The following GALNT13 variants were observed in gnomAD, a reference collection of about 807,000 sequenced individuals.
GALNT13 encodes the protein UDP-GalNAc:polypeptide N-acetylgalactosaminyltransferase 13.
In GALNT13, 28 loss-of-function variants were observed where a neutral mutation model predicts 64.2. That is an observed-to-expected ratio of 0.44 (90% confidence interval 0.32 to 0.60). The LOEUF (loss-of-function observed/expected upper bound fraction) is 0.60, where lower values mean the gene tolerates loss of function less well. Among genes scored for constraint, GALNT13 ranks in the 20% least tolerant of loss-of-function variants. The pLI, the probability that GALNT13 is intolerant of heterozygous loss-of-function variation, is 0.05. For synonymous variants in GALNT13, 214 were observed against 224.6 expected (o/e 0.95, Z 0.42); for missense variants, 577 against 669.8 (o/e 0.86, Z 1.53).
the GALNT13 span, among the ~76,000 whole-genome samples, chr2:153,848,964 C>CA: frequency 8.8e-6 from 1 of 113,450 alleles, no homozygotes; most frequent in Non-Finnish European, 1.9e-5. Flanking sequence ...ATCTTGATCC[C>CA]AAAAAATGAC....
At chr2:153,118,593 G>A in the GALNT13 span, among the ~76,000 whole-genome samples, 2 of 152,116 alleles carry the variant, frequency 1.3e-5, no homozygotes, top group Non-Finnish European at 2.9e-5. Flanking sequence ...ACTGATCTGT[G>A]TAGCTGTAGG....
chr2:154,400,221 T>C (rs186321875), intron 10 of GALNT13, among the ~76,000 whole-genome samples: 8 of 152,318 alleles, frequency 5.3e-5, no homozygotes, highest in Non-Finnish European at 1.0e-4. Context: ...AAAAAGGTAA[T>C]CTTTCCTTAT....
chr2:154,092,853 C>T (rs1574486373), intron 3 of GALNT13, among the ~76,000 whole-genome samples: 2 of 152,016 alleles, frequency 1.3e-5, no homozygotes, highest in African/African-American at 4.8e-5. Flanking sequence ...TTGTGGGGTG[C>T]AGGCAGCTGA....
chr2:154,082,743 CT>C (rs1454622354), intron 3 of GALNT13, among the ~76,000 whole-genome samples: 1 of 151,818 alleles, frequency 6.6e-6, no homozygotes, highest in Non-Finnish European at 1.5e-5. Flanking sequence ...CCTTTGCCCA[CT>C]TTTTGATGGG....
chr2:153,434,068 G>A, the GALNT13 span, among the ~76,000 whole-genome samples: 1 of 152,126 alleles, frequency 6.6e-6, no homozygotes, highest in Admixed American at 6.5e-5. Context: ...CTATGAGTGA[G>A]AACATGCGGT....
At chr2:153,899,916 C>CATATAT (rs869097034) in intron 1 of GALNT13, among the ~76,000 whole-genome samples, 4 of 125,314 alleles carry the variant, frequency 3.2e-5, no homozygotes, top group Non-Finnish European at 6.4e-5. Context: ...GAGATATATA[C>CATATAT]ATATATATAT....
chr2:153,212,684 T>C, the GALNT13 span, among the ~76,000 whole-genome samples: 7 of 152,162 alleles, frequency 4.6e-5, no homozygotes, highest in African/African-American at 1.7e-4. Context: ...TTAAACAAAA[T>C]AGAATCTGAA....
intron 8 of GALNT13, among the ~76,000 whole-genome samples, chr2:154,279,191 A>G (rs1215297535): frequency 6.6e-6 from 1 of 152,056 alleles, no homozygotes; most frequent in Non-Finnish European, 1.5e-5. Context: ...ATCTTATTCT[A>G]TAGTTGAAGG....
At chr2:153,705,617 C>G in the GALNT13 span, among the ~76,000 whole-genome samples, 8 of 152,160 alleles carry the variant, frequency 5.3e-5, no homozygotes, top group African/African-American at 1.7e-4. Context: ...CTATCTGAAA[C>G]ATATCTGAAA....
the GALNT13 span, among the ~76,000 whole-genome samples, chr2:153,099,837 G>A: frequency 2.6e-5 from 4 of 152,162 alleles, no homozygotes; most frequent in African/African-American, 9.7e-5. Flanking sequence ...ACAGTATGCA[G>A]CAAGTCCAGA....
the GALNT13 span, among the ~76,000 whole-genome samples, chr2:153,508,589 A>G: frequency 6.6e-6 from 1 of 152,142 alleles, no homozygotes; most frequent in African/African-American, 2.4e-5. Flanking sequence ...AACAACACTG[A>G]GTCTACTTCC....
At chr2:154,192,993 A>T (rs1427045608) in intron 4 of GALNT13, among the ~76,000 whole-genome samples, 1 of 152,202 alleles carries the variant, frequency 6.6e-6, no homozygotes, top group Non-Finnish European at 1.5e-5. Context: ...GCTATTGAAA[A>T]AAATAATTAG....
At chr2:154,161,347 A>C (rs1356294693) in intron 4 of GALNT13, among the ~76,000 whole-genome samples, 1 of 152,202 alleles carries the variant, frequency 6.6e-6, no homozygotes, top group East Asian at 1.9e-4. Context: ...TGACAATTGC[A>C]TCAAGATGAT....
At chr2:154,001,909 AG>A (rs1695935296) in intron 3 of GALNT13, among the ~76,000 whole-genome samples, 1 of 152,062 alleles carries the variant, frequency 6.6e-6, no homozygotes, top group African/African-American at 2.4e-5. Flanking sequence ...TCATGTTTGA[AG>A]GATAGCTTTT....
At chr2:154,328,014 G>T (rs1346420342) in intron 9 of GALNT13, among the ~76,000 whole-genome samples, 1 of 151,988 alleles carries the variant, frequency 6.6e-6, no homozygotes, top group African/African-American at 2.4e-5. Flanking sequence ...TTTAAAAGGA[G>T]CATAGTATAT....
chr2:153,091,893 G>C, the GALNT13 span, among the ~76,000 whole-genome samples: 1 of 152,042 alleles, frequency 6.6e-6, no homozygotes, highest in Admixed American at 6.6e-5. Context: ...GCACTTGTGG[G>C]GTATTGCTCA....
chr2:153,958,417 T>C (rs778275850), intron 3 of GALNT13, among the ~76,000 whole-genome samples: 6 of 152,234 alleles, frequency 3.9e-5, no homozygotes, highest in Non-Finnish European at 7.3e-5. Context: ...AGAAGTCTAA[T>C]TGTAAAGTAT....
At chr2:153,829,542 C>T in the GALNT13 span, among the ~76,000 whole-genome samples, 3 of 152,072 alleles carry the variant, frequency 2.0e-5, no homozygotes, top group Admixed American at 2.0e-4. Context: ...ATTCAATTAC[C>T]TCCTACTGGG....
At chr2:153,518,242 T>G in the GALNT13 span, among the ~76,000 whole-genome samples, 5 of 152,178 alleles carry the variant, frequency 3.3e-5, no homozygotes, top group Non-Finnish European at 4.4e-5. Flanking sequence ...TTTCTCATAG[T>G]TCTTTCTTCG....
Sources: gnomAD v4.1 joint callset for allele counts (sites outside exome capture counted in the v4.1 genomes callset) on GRCh38, gnomAD v4.1.1 for gene constraint, MANE v1.5 for transcripts, NCBI Gene and HGNC (gene_info 2026-07-23, HGNC 2026-07-21) for gene names.